Variants in NADSYN1 observed in about 807,000 individuals in gnomAD.
NADSYN1 encodes the protein NAD synthetase 1.
Under a neutral mutation model 99.3 loss-of-function variants are expected in NADSYN1, and 80 were observed. The ratio of observed to expected loss-of-function variants is 0.81; its 90% CI spans 0.67 to 0.97. The LOEUF is 0.97. Among genes scored for constraint, NADSYN1 ranks in the 50% least tolerant of loss-of-function variants. The pLI is 0.00. For synonymous variants in NADSYN1, 385 were observed against 372.1 expected, an observed-to-expected ratio of 1.03 and a Z score of -0.40; for missense variants, 859 against 948.5, an observed-to-expected ratio of 0.91 and a Z score of 1.24.
chr11:71,473,632 A>C lies in NADSYN1; in HGVS notation c.612A>C (p.Gln204His), dbSNP rs7950441. The change falls in exon 8 of 21, where the codon CAA becomes CAC. Residue 204 changes from glutamine (Q) to histidine (H), a missense_variant. Physicochemically the swap from Gln to His is conservative, Grantham distance 24. Coordinates refer to ENST00000319023, the MANE Select transcript of NADSYN1 (RefSeq NM_018161.5). Reference sequence around the variant, plus strand: ...TCACCAACGCCTCGGGCAGCCACCAAGTGCTGCGCAAAGCCAACACCAGGG... The same window carrying C: ...TCACCAACGCCTCGGGCAGCCACCACGTGCTGCGCAAAGCCAACACCAGGG... The part of the protein sequence containing the change: ...EIITNASGSH[Q>H]VLRKANTRVD... 1,613,265 of 1,613,280 alleles carry C rather than the reference A, an allele frequency of 1. 806,625 individuals are homozygous for C. Among genetic ancestry groups the C allele is most frequent in the Middle Eastern group, 1 (6,062 of 6,062 alleles).
At chr11:71,489,629 G>A (rs549125478) in intron 16 of NADSYN1, among the ~76,000 whole-genome samples, 1 of 152,364 alleles carries the variant, frequency 6.6e-6, no homozygotes, top group South Asian at 2.1e-4. Context: ...AGCTTTGGAC[G>A]GGACAGGACA....
At chr11:71,478,364 C>T in intron 9 of NADSYN1, 31 bp from the exon 10 acceptor site, 1 of 1,549,834 alleles carries the variant, frequency 6.5e-7, no homozygotes, top group African/African-American at 1.4e-5. Context: ...AACGGGAAAT[C>T]ACGGGTTCTC....
At chr11:71,481,830 G>T in intron 12 of NADSYN1, 93 bp from the exon 13 acceptor site, 1 of 1,095,456 alleles carries the variant, frequency 9.1e-7, no homozygotes, top group Non-Finnish European at 1.3e-6. Context: ...TTCTGTGGAC[G>T]CCTCCTTGAG....
chr11:71,474,551 TG>T, intron 9 of NADSYN1, 25 bp downstream of exon 9: 1 of 1,613,722 alleles, frequency 6.2e-7, no homozygotes, highest in Non-Finnish European at 8.5e-7. Context: ...TGGACATGCC[TG>T]GGGGAGGGTT....
chr11:71,492,009 G>A (rs941651050), intron 18 of NADSYN1, 106 bp downstream of exon 18: 17 of 995,286 alleles, frequency 1.7e-5, no homozygotes, highest in Middle Eastern at 2.9e-4. Flanking sequence ...CAGCTGCATC[G>A]CTGTCACTGG....
intron 3 of NADSYN1, among the ~76,000 whole-genome samples, chr11:71,462,390 G>T (rs771149974): frequency 1.6e-4 from 24 of 152,290 alleles, no homozygotes; most frequent in Non-Finnish European, 2.6e-4. Flanking sequence ...TTGCCAGTCA[G>T]AACTGTTTAA....
intron 20 of NADSYN1, among the ~76,000 whole-genome samples, chr11:71,500,910 A>G (rs1016679974): frequency 1.3e-5 from 2 of 152,220 alleles, no homozygotes; most frequent in Admixed American, 6.5e-5. Context: ...TCATCTGGCC[A>G]CCCAGGGCAG....
At chr11:71,471,886 C>T (rs1416952553) in intron 5 of NADSYN1, among the ~76,000 whole-genome samples, 1 of 151,970 alleles carries the variant, frequency 6.6e-6, no homozygotes, top group Admixed American at 6.5e-5. Flanking sequence ...TGGTGCATCT[C>T]GTAACAGCCT....
chr11:71,459,720 C>G (rs1949537934), intron 3 of NADSYN1: 1 of 152,530 alleles, frequency 6.6e-6, no homozygotes, highest in African/African-American at 2.4e-5. Context: ...TCGCTTCTTC[C>G]TTGGCATCTG....
chr11:71,479,421 T>C (rs1205302727), intron 10 of NADSYN1: 2 of 152,078 alleles, frequency 1.3e-5, no homozygotes, highest in African/African-American at 2.4e-5. Context: ...TTTTATTAAG[T>C]TGTATTTGCC....
chr11:71,455,972 T>C (rs1281880420), intron 2 of NADSYN1, among the ~76,000 whole-genome samples: 2 of 152,268 alleles, frequency 1.3e-5, no homozygotes, highest in African/African-American at 4.8e-5. Flanking sequence ...AGTAGCCACG[T>C]TGTAAGTCTC....
At chr11:71,488,061 C>G (rs527615457) in intron 16 of NADSYN1, among the ~76,000 whole-genome samples, 2 of 152,032 alleles carry the variant, frequency 1.3e-5, no homozygotes, top group Non-Finnish European at 2.9e-5. Flanking sequence ...GCAAGAATCT[C>G]AAATGTGTAG....
At chr11:71,477,139 C>T (rs1371708486) in intron 9 of NADSYN1, 1 of 1,138,912 alleles carries the variant, frequency 8.8e-7, no homozygotes, top group East Asian at 7.5e-5. Flanking sequence ...CCGATCACCC[C>T]CGTCGGGCCC....
intron 20 of NADSYN1, chr11:71,499,199 C>T (rs1225010358): frequency 6.6e-6 from 1 of 152,294 alleles, no homozygotes; most frequent in Non-Finnish European, 1.5e-5. Flanking sequence ...TCGGTGCGCG[C>T]TCAGGCTGAT....
intron 16 of NADSYN1, 79 bp downstream of exon 16, chr11:71,485,727 A>G (rs1397767227): frequency 6.5e-6 from 7 of 1,083,530 alleles, no homozygotes; most frequent in South Asian, 1.6e-5. Context: ...GTGAGATTCT[A>G]TCATCCTGTG....
At chr11:71,473,808 A>G in intron 8 of NADSYN1, 122 bp downstream of exon 8, 1 of 798,220 alleles carries the variant, frequency 1.3e-6, no homozygotes. Context: ...GCTAGTAATT[A>G]TGGCCTGGAC....
chr11:71,475,606 A>G (rs1949659890), intron 9 of NADSYN1: 1 of 178,326 alleles, frequency 5.6e-6, no homozygotes, highest in African/African-American at 2.4e-5. Context: ...GCATTAGCAC[A>G]GGGCAAGGCT....
At chr11:71,494,808 G>A (rs1412008671) in intron 18 of NADSYN1, among the ~76,000 whole-genome samples, 2 of 152,140 alleles carry the variant, frequency 1.3e-5, no homozygotes, top group African/African-American at 4.8e-5. Context: ...ACCCACCTCG[G>A]CCTCCCAAAG....
At position 71,501,401 on chromosome 11, in the gene NADSYN1, C is replaced by T. The variant is rs370141453; in HGVS notation, c.*49C>T. 1.4e-4 allele frequency: 212 copies of T among 1,542,096 alleles called. No individual in the cohort carries two copies. The African/African-American group carries it at 2.2e-3, about 16-fold the overall frequency. On this transcript the variant is annotated 3_prime_UTR_variant, in exon 21 of 21. Coordinates refer to ENST00000319023, the MANE Select transcript of NADSYN1 (RefSeq NM_018161.5). Reference sequence around the variant, plus strand: ...CCTGTCCTCGGGGACCCCAGCACCTCATCATCAGCATTGCTGGAGCCAAGG... The same window carrying T: ...CCTGTCCTCGGGGACCCCAGCACCTTATCATCAGCATTGCTGGAGCCAAGG...
Sources: allele counts gnomAD v4.1 joint callset (sites outside exome capture counted in the v4.1 genomes callset), GRCh38; gene constraint gnomAD v4.1.1; transcripts MANE v1.5; gene names NCBI Gene and HGNC (gene_info 2026-07-23, HGNC 2026-07-21).